Variants in CHD6 observed in about 807,000 individuals in gnomAD.
CHD6 encodes the protein chromodomain helicase DNA binding protein 6, also known as ATP-dependent chromatin remodeler CHD6.
A neutral mutation model predicts 276.9 loss-of-function variants in CHD6; 50 were observed. The observed-to-expected ratio is 0.18, with a 90% CI of 0.14 to 0.23. The LOEUF (loss-of-function observed/expected upper bound fraction) is 0.23, where lower values mean the gene tolerates loss of function less well. CHD6 is among the 10% of genes least tolerant of loss of function. The pLI is 1.00. For synonymous variants in CHD6, 1,173 were observed against 1,229.3 expected (o/e 0.95, Z 0.96); for missense variants, 2,564 against 3,365.8 (o/e 0.76, Z 5.89).
intron 16 of CHD6, among the ~76,000 whole-genome samples, chr20:41,478,316 C>G (rs1331378641): frequency 6.6e-6 from 1 of 152,138 alleles, no homozygotes; most frequent in African/African-American, 2.4e-5. Context: ...TCCTAACACA[C>G]CAACCCTCTA....
At chr20:41,555,344 G>A (rs1339673815) in intron 1 of CHD6, among the ~76,000 whole-genome samples, 1 of 142,586 alleles carries the variant, frequency 7.0e-6, no homozygotes, top group Non-Finnish European at 1.6e-5. Context: ...CGGACGGGGC[G>A]GCCGGCCGGG....
At chr20:41,478,133 C>G (rs993012130) in intron 16 of CHD6, among the ~76,000 whole-genome samples, 2 of 152,136 alleles carry the variant, frequency 1.3e-5, no homozygotes, top group African/African-American at 4.8e-5. Flanking sequence ...AATGGTCCAG[C>G]CAGATGCACA....
intron 25 of CHD6, among the ~76,000 whole-genome samples, chr20:41,441,389 TCA>T (rs2047897032): frequency 6.6e-6 from 1 of 152,054 alleles, no homozygotes; most frequent in Admixed American, 6.6e-5. Context: ...CTGCCCCACC[TCA>T]CATCAAACAG....
chr20:41,580,656 A>G (rs958829020), intron 1 of CHD6, among the ~76,000 whole-genome samples: 1 of 151,500 alleles, frequency 6.6e-6, no homozygotes, highest in African/African-American at 2.4e-5. Flanking sequence ...AAAAAAAAAA[A>G]AAAAAAGGAA....
chr20:41,549,194 G>A (rs1484978828), intron 2 of CHD6, among the ~76,000 whole-genome samples: 20 of 151,746 alleles, frequency 1.3e-4, no homozygotes, highest in Non-Finnish European at 1.9e-4. Flanking sequence ...ACATGCACAC[G>A]TATGTTTATT....
intron 1 of CHD6, among the ~76,000 whole-genome samples, chr20:41,594,463 T>C (rs761942865): frequency 9.9e-5 from 15 of 152,228 alleles, no homozygotes; most frequent in Admixed American, 3.9e-4. Flanking sequence ...TCATGCCCTT[T>C]GACTATCTGG....
chr20:41,595,554 G>A (rs1413031972), intron 1 of CHD6, among the ~76,000 whole-genome samples: 3 of 152,050 alleles, frequency 2.0e-5, no homozygotes, highest in African/African-American at 7.2e-5. Flanking sequence ...AGTAAGAGAG[G>A]TTTAGCCCCA....
intron 31 of CHD6, among the ~76,000 whole-genome samples, chr20:41,417,924 G>C (rs908022822): frequency 1.3e-5 from 2 of 152,212 alleles, no homozygotes; most frequent in Non-Finnish European, 2.9e-5. Flanking sequence ...CAGTAATGGT[G>C]AAAGTTTATC....
chr20:41,574,716 G>A (rs2045454952), intron 1 of CHD6, among the ~76,000 whole-genome samples: 1 of 152,180 alleles, frequency 6.6e-6, no homozygotes, highest in South Asian at 2.1e-4. Flanking sequence ...TATATATGAT[G>A]TGGCTGTTTT....
Position 41,421,979 on chromosome 20 carries a change from C to T in CHD6, c.4656G>A (p.Val1552=). ...IELLRKVREQ[V]LKCPQLHERL... ...GTTCATGCAGCTGAGGGCACTTGAG[C>T]ACTTGCTCTCGGACTTTCCGTAACA... Residue 1552 remains valine (V), a synonymous_variant, in exon 31 of 37, where the codon GTG becomes GTA. Coordinates refer to ENST00000373233, the MANE Select transcript of CHD6 (RefSeq NM_032221.5). The T allele has an allele frequency of 1.9e-6, 3 of 1,614,254 alleles. No individual in the cohort carries two copies. In the East Asian group the frequency reaches 6.7e-5, roughly 36 times the overall value.
chr20:41,580,688 A>T lies in CHD6; in HGVS notation c.-23-29328T>A, dbSNP rs145288983. Among the ~76,000 whole-genome samples, 413 of 151,648 alleles carry T rather than the reference A, an allele frequency of 2.7e-3. 2 individuals are homozygous for T. The highest frequency in any genetic ancestry group is 9.2e-3 in the African/African-American group (382 of 41,354). On this transcript the variant is annotated intron_variant, in intron 1 of 36. Coordinates refer to ENST00000373233, the MANE Select transcript of CHD6 (RefSeq NM_032221.5). Reference sequence around the variant, plus strand: ...GGAAAAGACAACAAAAAATACATCTATTGAACATGTTTTGGCCAATAATGG... The same window carrying T: ...GGAAAAGACAACAAAAAATACATCTTTTGAACATGTTTTGGCCAATAATGG...
At chr20:41,488,664 T>C in intron 12 of CHD6, 60 bp from the exon 13 acceptor site, 1 of 1,477,578 alleles carries the variant, frequency 6.8e-7, no homozygotes, top group Non-Finnish European at 9.2e-7. Flanking sequence ...TCTGCTAATA[T>C]CTGCTGGACT....
intron 3 of CHD6, among the ~76,000 whole-genome samples, chr20:41,524,966 CT>C (rs2044491942): frequency 6.6e-6 from 1 of 152,164 alleles, no homozygotes; most frequent in African/African-American, 2.4e-5. Context: ...CCTTTTCCTG[CT>C]TTATGCTGCT....
chr20:41,526,995 G>A (rs1211596625), intron 3 of CHD6, among the ~76,000 whole-genome samples: 3 of 152,206 alleles, frequency 2.0e-5, no homozygotes, highest in African/African-American at 7.2e-5. Flanking sequence ...GATCCAGGTA[G>A]ATAGACCTCC....
chr20:41,481,836 CATAAT>C (rs1421750474), intron 16 of CHD6, among the ~76,000 whole-genome samples: 2 of 151,496 alleles, frequency 1.3e-5, no homozygotes, highest in African/African-American at 4.8e-5. Flanking sequence ...AAAAAAATTT[CATAAT>C]ATATTAAATA....
Position 41,405,074 on chromosome 20 carries a change from C to T in CHD6, c.7667G>A (p.Ser2556Asn), listed in dbSNP as rs1333434821. The change falls in exon 37 of 37, where the codon AGC becomes AAC. Residue 2556 changes from serine (S) to asparagine (N), a missense_variant. Ser to Asn is a conservative substitution (Grantham distance 46). Around this residue, in one of 7 missense-constraint regions of CHD6, gnomAD observed 238 missense variants for 266.0 expected, o/e 0.89. Transcript: ENST00000373233. ...CACTGCCGTACCACTTTTCGTTGTG[C>T]TTGATAGAGACGCCGGAGCAGTGGA... Reference protein sequence around the residue: ...CTSTAPASLSSTTKSGTAVTE... With the variant: ...CTSTAPASLSNTTKSGTAVTE... 1 of 1,614,220 alleles carries T rather than the reference C, an allele frequency of 6.2e-7. No individual in the cohort carries two copies. The highest frequency in any genetic ancestry group is 1.1e-5 in the South Asian group (1 of 91,076).
At chr20:41,477,240 C>T (rs1172978353) in intron 16 of CHD6, among the ~76,000 whole-genome samples, 2 of 151,486 alleles carry the variant, frequency 1.3e-5, no homozygotes, top group African/African-American at 4.9e-5. Context: ...TACCCTGTCT[C>T]TAAATATAAA....
intron 27 of CHD6, among the ~76,000 whole-genome samples, chr20:41,432,735 T>C (rs1213861070): frequency 6.6e-6 from 1 of 151,692 alleles, no homozygotes; most frequent in Non-Finnish European, 1.5e-5. Flanking sequence ...TCAAACTGAA[T>C]GAAAAAAAGA....
intron 17 of CHD6, among the ~76,000 whole-genome samples, chr20:41,467,843 A>G (rs1446755898): frequency 6.6e-6 from 1 of 150,392 alleles, no homozygotes; most frequent in African/African-American, 2.4e-5. Flanking sequence ...TGACAAGGAG[A>G]GGCAGCGGCG....
Sources: allele counts gnomAD v4.1 joint callset (sites outside exome capture counted in the v4.1 genomes callset), GRCh38; gene constraint gnomAD v4.1.1; regional missense constraint gnomAD v4.1.1; transcripts MANE v1.5; gene names NCBI Gene and HGNC (gene_info 2026-07-23, HGNC 2026-07-21).